The following ABLIM1 variants were observed in gnomAD, a reference collection of about 807,000 sequenced individuals.
ABLIM1 encodes actin-binding LIM protein 1.
A neutral mutation model predicts 107.0 loss-of-function variants in ABLIM1; 40 were observed. The observed-to-expected ratio is 0.37, with a 90% CI of 0.29 to 0.49. The LOEUF is 0.49. ABLIM1 is among the 20% of genes least tolerant of loss of function. The probability of loss-of-function intolerance (pLI) is 0.97; values close to 1 mark genes in which losing one functional copy is unlikely to be tolerated. For missense variants in ABLIM1, 857 were observed against 1,008.5 expected, an observed-to-expected ratio of 0.85 and a Z score of 2.04; for synonymous variants, 357 against 357.3, an observed-to-expected ratio of 1.00 and a Z score of 0.01.
chr10:114,704,273 T>G (rs1381883291), intron 1 of ABLIM1, among the ~76,000 whole-genome samples: 3 of 22,036 alleles, frequency 1.4e-4, no homozygotes, highest in Admixed American at 4.1e-4. Context: ...TCTCTCTCGC[T>G]CTCTCTCTCT....
At chr10:114,550,832 C>A (rs2067974075) in intron 4 of ABLIM1, among the ~76,000 whole-genome samples, 1 of 152,080 alleles carries the variant, frequency 6.6e-6, no homozygotes, top group South Asian at 2.1e-4. Context: ...TTTCTTTATT[C>A]TTCTAATTAC....
chr10:114,507,197 C>CATT (rs766817784), intron 6 of ABLIM1, among the ~76,000 whole-genome samples: 79 of 151,018 alleles, frequency 5.2e-4, no homozygotes, highest in Middle Eastern at 3.4e-3. Context: ...TGGACTTCAT[C>CATT]TCCTTTAATA....
chr10:114,636,644 G>A (rs1027323792), intron 1 of ABLIM1, among the ~76,000 whole-genome samples: 4 of 152,186 alleles, frequency 2.6e-5, no homozygotes, highest in Admixed American at 1.3e-4. Context: ...TCTGGGATTG[G>A]CTTATCCCTT....
At chr10:114,445,276 C>T (rs2060842988) in intron 16 of ABLIM1, 36 bp downstream of exon 16, 1 of 1,545,878 alleles carries the variant, frequency 6.5e-7, no homozygotes, top group South Asian at 1.1e-5. Context: ...ATGTAACTAG[C>T]ATTGAAGACA....
chr10:114,704,335 T>TATA (rs3061769), intron 1 of ABLIM1, among the ~76,000 whole-genome samples: 14 of 83,400 alleles, frequency 1.7e-4, no homozygotes, highest in Middle Eastern at 5.6e-3. Context: ...TATATATATA[T>TATA]TGCGCGCGTT....
At chr10:114,448,550 C>T (rs911814937) in intron 14 of ABLIM1, among the ~76,000 whole-genome samples, 2 of 152,036 alleles carry the variant, frequency 1.3e-5, no homozygotes, top group South Asian at 2.1e-4. Flanking sequence ...AGAGGGTTGG[C>T]GGGCTTTGCA....
At chr10:114,683,184 T>C (rs1173480247) in intron 1 of ABLIM1, among the ~76,000 whole-genome samples, 5 of 152,234 alleles carry the variant, frequency 3.3e-5, no homozygotes, top group South Asian at 2.1e-4. Flanking sequence ...CGTTATCCTT[T>C]AGAAAGAACA....
At chr10:114,449,921 C>T (rs1293946649) in intron 14 of ABLIM1, among the ~76,000 whole-genome samples, 1 of 152,126 alleles carries the variant, frequency 6.6e-6, no homozygotes, top group Non-Finnish European at 1.5e-5. Flanking sequence ...GCCTGAAAGA[C>T]TTCAGTCAAA....
intron 1 of ABLIM1, among the ~76,000 whole-genome samples, chr10:114,704,735 G>A (rs1247979329): frequency 6.6e-6 from 1 of 151,986 alleles, no homozygotes; most frequent in Non-Finnish European, 1.5e-5. Flanking sequence ...GCATGGGAGT[G>A]TGTAAGTCCT....
chr10:114,689,217 C>T (rs2081014955), upstream of ABLIM1, among the ~76,000 whole-genome samples: 1 of 152,158 alleles, frequency 6.6e-6, no homozygotes, highest in Non-Finnish European at 1.5e-5. Context: ...AGCTTCGTGT[C>T]CTGGTCCTAT....
At chr10:114,608,952 G>A (rs2076622952) in intron 1 of ABLIM1, among the ~76,000 whole-genome samples, 1 of 148,700 alleles carries the variant, frequency 6.7e-6, no homozygotes, top group African/African-American at 2.5e-5. Context: ...GAGATGGAGG[G>A]TGCAGTGAGC....
At chr10:114,468,066 G>A in intron 11 of ABLIM1, 115 bp downstream of exon 11, 1 of 902,848 alleles carries the variant, frequency 1.1e-6, no homozygotes, top group East Asian at 2.5e-5. Flanking sequence ...AACCCCACAT[G>A]CAGTTTTTCT....
intron 6 of ABLIM1, among the ~76,000 whole-genome samples, chr10:114,510,506 T>C (rs2061697916): frequency 6.6e-6 from 1 of 152,068 alleles, no homozygotes; most frequent in Non-Finnish European, 1.5e-5. Context: ...ATTGTCTCAT[T>C]CATTTTTTGT....
chr10:114,733,752 C>T (rs2082123087), intron 1 of ABLIM1, among the ~76,000 whole-genome samples: 1 of 152,196 alleles, frequency 6.6e-6, no homozygotes, highest in Non-Finnish European at 1.5e-5. Flanking sequence ...AAACATACGC[C>T]TCCATTGCTG....
At chr10:114,506,197 T>TC (rs369612258) in intron 6 of ABLIM1, among the ~76,000 whole-genome samples, 2 of 152,166 alleles carry the variant, frequency 1.3e-5, no homozygotes, top group Non-Finnish European at 1.5e-5. Flanking sequence ...ATGATTTTGT[T>TC]CCGTTTTTGG....
intron 1 of ABLIM1, among the ~76,000 whole-genome samples, chr10:114,703,183 G>A (rs1279082378): frequency 6.6e-6 from 1 of 152,146 alleles, no homozygotes; most frequent in Admixed American, 6.5e-5. Context: ...AAATGAAACT[G>A]TCTATGTTCC....
the ABLIM1 span, among the ~76,000 whole-genome samples, chr10:114,783,279 T>A: frequency 4.0e-5 from 6 of 148,956 alleles, no homozygotes; most frequent in Non-Finnish European, 8.9e-5. Context: ...GTCTCAAAAA[T>A]AAATAAATAA....
intron 1 of ABLIM1, among the ~76,000 whole-genome samples, chr10:114,657,523 A>AT (rs2079580156): frequency 6.6e-6 from 1 of 152,140 alleles, no homozygotes; most frequent in South Asian, 2.1e-4. Context: ...AACATTTCAC[A>AT]AGACGAGCCC....
chr10:114,795,025 T>C, the ABLIM1 span, among the ~76,000 whole-genome samples: 2 of 152,230 alleles, frequency 1.3e-5, no homozygotes, highest in Non-Finnish European at 2.9e-5. Context: ...AACTCCATGT[T>C]CTAATGAAAC....
Sources: gnomAD v4.1 joint callset for allele counts (sites outside exome capture counted in the v4.1 genomes callset) on GRCh38, gnomAD v4.1.1 for gene constraint, MANE v1.5 for transcripts, NCBI Gene and HGNC (gene_info 2026-07-23, HGNC 2026-07-21) for gene names.